The following RBFOX1 variants were observed in gnomAD, a reference collection of about 807,000 sequenced individuals.
RBFOX1 encodes RNA binding fox-1 homolog 1.
Under a neutral mutation model 57.7 loss-of-function variants are expected in RBFOX1, and 8 were observed. That is an observed-to-expected ratio of 0.14 (90% CI 0.08 to 0.25). The LOEUF (loss-of-function observed/expected upper bound fraction) is 0.25, where lower values mean the gene tolerates loss of function less well. Among genes scored for constraint, RBFOX1 ranks in the 10% least tolerant of loss-of-function variants. The probability of loss-of-function intolerance (pLI) is 1.00; values close to 1 mark genes in which losing one functional copy is unlikely to be tolerated. For missense variants in RBFOX1, 611 were observed against 548.5 expected (o/e 1.11, Z -1.14); for synonymous variants, 326 against 222.4 (o/e 1.47, Z -4.15).
chr16:6,885,843 T>G (rs2063892881), intron 3 of RBFOX1, among the ~76,000 whole-genome samples: 2 of 152,162 alleles, frequency 1.3e-5, no homozygotes, highest in African/African-American at 4.8e-5. Flanking sequence ...AGTCATGCAA[T>G]TTTTATTTTA....
At chr16:6,023,294 G>A (rs149803141) in intron 1 of RBFOX1, among the ~76,000 whole-genome samples, 2,637 of 150,762 alleles carry the variant, frequency 0.017, 87 homozygotes, top group African/African-American at 0.06. Context: ...TATAGAACCT[G>A]CTCCTGTAAG....
chr16:7,456,834 G>C (rs34431303), intron 4 of RBFOX1, among the ~76,000 whole-genome samples: 4 of 151,942 alleles, frequency 2.6e-5, no homozygotes, highest in East Asian at 1.9e-4. Flanking sequence ...GAGCAGGGCT[G>C]TATCAGCTTG....
chr16:6,005,136 A>T (rs144617681), intron 4 of RBFOX1, among the ~76,000 whole-genome samples: 1 of 152,352 alleles, frequency 6.6e-6, no homozygotes, highest in East Asian at 1.9e-4. Context: ...TGAGACACAC[A>T]GACAGTAATA....
At chr16:5,705,762 T>C (rs1007338281) in intron 3 of RBFOX1, among the ~76,000 whole-genome samples, 1 of 152,180 alleles carries the variant, frequency 6.6e-6, no homozygotes, top group African/African-American at 2.4e-5. Context: ...ACAAGATCAC[T>C]CTGTCATTCT....
intron 1 of RBFOX1, among the ~76,000 whole-genome samples, chr16:5,363,600 C>G (rs1028127531): frequency 1.3e-5 from 2 of 152,194 alleles, no homozygotes; most frequent in African/African-American, 4.8e-5. Context: ...GTTGACCTGA[C>G]TTTTCCCAAC....
chr16:6,775,197 T>C (rs1402645201), intron 3 of RBFOX1, among the ~76,000 whole-genome samples: 1 of 146,042 alleles, frequency 6.8e-6, no homozygotes, highest in African/African-American at 2.5e-5. Flanking sequence ...GTTAGCCTGG[T>C]GTGGTTCGGA....
At chr16:7,461,100 C>G (rs185922861) in intron 4 of RBFOX1, among the ~76,000 whole-genome samples, 5 of 152,168 alleles carry the variant, frequency 3.3e-5, no homozygotes, top group Admixed American at 2.6e-4. Flanking sequence ...ATACAGCTGA[C>G]AACTTATGGC....
At chr16:5,975,961 C>T (rs914091703) in intron 4 of RBFOX1, among the ~76,000 whole-genome samples, 10 of 151,926 alleles carry the variant, frequency 6.6e-5, no homozygotes, top group South Asian at 2.1e-4. Flanking sequence ...CTGGCCAACA[C>T]GGTGAAACCC....
At chr16:6,420,770 T>C (rs2093749814) in intron 2 of RBFOX1, among the ~76,000 whole-genome samples, 1 of 152,206 alleles carries the variant, frequency 6.6e-6, no homozygotes, top group African/African-American at 2.4e-5. Context: ...GAGAAACGAT[T>C]CTGAGAGAGA....
intron 4 of RBFOX1, among the ~76,000 whole-genome samples, chr16:5,991,790 TG>T (rs1270466357): frequency 6.6e-6 from 1 of 152,050 alleles, no homozygotes; most frequent in African/African-American, 2.4e-5. Flanking sequence ...TGCCTGGGAT[TG>T]ATAAGACTTC....
chr16:7,287,980 C>G (rs1413858710), intron 4 of RBFOX1, among the ~76,000 whole-genome samples: 2 of 152,016 alleles, frequency 1.3e-5, no homozygotes, highest in African/African-American at 2.4e-5. Flanking sequence ...GGCTGTTGAA[C>G]GAAAAATCCA....
chr16:7,647,507 T>C (rs1434831807), intron 11 of RBFOX1, among the ~76,000 whole-genome samples: 1 of 151,608 alleles, frequency 6.6e-6, no homozygotes. Context: ...TCCTTATTGA[T>C]GGTCTGCTTA....
Position 6,925,109 on chromosome 16 carries a change from G to GTTTTTT in RBFOX1, c.-15-126911_-15-126906dup, listed in dbSNP as rs57556084. On this transcript the variant is annotated intron_variant, in intron 3 of 15. Transcript: ENST00000550418. ...TCGTTGTTGGACATCTAGGTTGTTG[G>GTTTTTT]TTTTTTTTTTTTTTTTTTTTTTTTT... 5.7e-3 allele frequency among the ~76,000 whole-genome samples: 256 copies of GTTTTTT among 45,250 alleles called. 42 individuals are homozygous for GTTTTTT. Among genetic ancestry groups the GTTTTTT allele is most frequent in the African/African-American group, 0.02 (222 of 11,332 alleles). 29.7% of individuals were successfully genotyped at this position (45,250 alleles called of 152,430 possible).
Position 7,028,980 on chromosome 16 carries a change from C to T in RBFOX1, c.-15-23077C>T, listed in dbSNP as rs541370282. Among the ~76,000 whole-genome samples, 8 of 143,650 alleles carry T rather than the reference C, an allele frequency of 5.6e-5. No individual in the cohort carries two copies. In the South Asian group the frequency reaches 1.8e-3, roughly 32 times the overall value. The allele number at this position is 143,650 out of a possible 152,430, so 94.2% of individuals were successfully genotyped here. A position where few individuals can be genotyped will look rare whatever the true frequency, so the allele number is the denominator to read the frequency against. On this transcript the variant is annotated intron_variant, in intron 3 of 15. Coordinates refer to ENST00000550418, the MANE Select transcript of RBFOX1 (RefSeq NM_018723.4). ...AGCAGCAAGCATGCTGTTTGGAAGA[C>T]CAATCTCCAGATGAACTTAACTAAC...
intron 4 of RBFOX1, among the ~76,000 whole-genome samples, chr16:7,419,061 C>A (rs748056360): frequency 6.6e-6 from 1 of 152,030 alleles, no homozygotes; most frequent in East Asian, 1.9e-4. Flanking sequence ...TTCGTCACCA[C>A]GCCCAGATAG....
At chr16:5,909,367 C>G (rs144249292) in intron 4 of RBFOX1, among the ~76,000 whole-genome samples, 2 of 152,116 alleles carry the variant, frequency 1.3e-5, no homozygotes, top group East Asian at 3.9e-4. Flanking sequence ...GCTGGGATTA[C>G]AGGCGTGAGC....
chr16:7,570,534 C>G (rs1008624483), intron 5 of RBFOX1, among the ~76,000 whole-genome samples: 5 of 152,174 alleles, frequency 3.3e-5, no homozygotes, highest in African/African-American at 9.6e-5. Flanking sequence ...AGATAGAAGT[C>G]ATTTATCTAC....
At chr16:6,936,971 T>C (rs945754365) in intron 3 of RBFOX1, among the ~76,000 whole-genome samples, 4 of 147,422 alleles carry the variant, frequency 2.7e-5, no homozygotes, top group African/African-American at 7.5e-5. Flanking sequence ...AGGGATAGCA[T>C]TGGGAGATAT....
chr16:6,484,345 A>G (rs931570185), intron 2 of RBFOX1, among the ~76,000 whole-genome samples: 1 of 152,182 alleles, frequency 6.6e-6, no homozygotes, highest in African/African-American at 2.4e-5. Context: ...CATGTCCACC[A>G]TGCTCGTTGC....
Sources: gnomAD v4.1 joint callset for allele counts (sites outside exome capture counted in the v4.1 genomes callset) on GRCh38, gnomAD v4.1.1 for gene constraint, MANE v1.5 for transcripts, NCBI Gene and HGNC (gene_info 2026-07-23, HGNC 2026-07-21) for gene names.